Variants in HACE1 observed in about 807,000 individuals in gnomAD.
HACE1 encodes E3 ubiquitin-protein ligase HACE1.
In HACE1, 73 loss-of-function variants were observed where a neutral mutation model predicts 118.4. That is an observed-to-expected ratio of 0.62 (90% CI 0.51 to 0.75). HACE1 has a LOEUF of 0.75. Among genes scored for constraint, HACE1 ranks in the 30% least tolerant of loss-of-function variants. The probability of loss-of-function intolerance (pLI) is 0.00; values close to 1 mark genes in which losing one functional copy is unlikely to be tolerated. For synonymous variants in HACE1, 368 were observed against 374.8 expected, an observed-to-expected ratio of 0.98 and a Z score of 0.21; for missense variants, 749 against 1,102.2, an observed-to-expected ratio of 0.68 and a Z score of 4.54.
intron 7 of HACE1, among the ~76,000 whole-genome samples, chr6:104,800,350 G>T (rs1171646256): frequency 2.6e-5 from 4 of 152,190 alleles, no homozygotes; most frequent in Non-Finnish European, 5.9e-5. Flanking sequence ...TGACAGCTCA[G>T]AAGAGAGCAG....
Position 104,777,199 on chromosome 6 carries a change from A to C in HACE1, c.1678+7T>G, listed in dbSNP as rs748316084. 8 of 1,597,716 alleles carry C rather than the reference A, an allele frequency of 5.0e-6. No individual in the cohort carries two copies. The highest frequency in any genetic ancestry group is 6.9e-6 in the Non-Finnish European group (8 of 1,165,074). ...CACACATATATCAGTTTCTTTGTTA[A>C]GCATACCTCTGTGAACCAGCAGGAT... On this transcript the variant is annotated splice_region_variant and intron_variant, in intron 15 of 23. Coordinates refer to ENST00000262903, the MANE Select transcript of HACE1 (RefSeq NM_020771.4).
intron 20 of HACE1, among the ~76,000 whole-genome samples, chr6:104,745,506 G>C (rs1777323155): frequency 6.9e-6 from 1 of 144,940 alleles, no homozygotes; most frequent in African/African-American, 2.6e-5. Context: ...GAGTGCAGTG[G>C]CGCGGCTCAC....
In HACE1 at chr6:104,831,990, GGA is replaced by G. The variant is rs1562471444; in HGVS notation, c.534+1050_534+1051del. ...GAAGAGAAGAGAAGAGAGGAAGGAA[GGA>G]AGGAAGGAAGGAAGGAAGGAAGGAA... On this transcript the variant is annotated intron_variant, in intron 6 of 23. Coordinates refer to ENST00000262903, the MANE Select transcript of HACE1 (RefSeq NM_020771.4). Among the ~76,000 whole-genome samples the G allele has an allele frequency of 6.1e-3, 581 of 94,672 alleles. 1 individual carries two copies. Among genetic ancestry groups the G allele is most frequent in the African/African-American group, 7.2e-3 (181 of 25,306 alleles). 62.1% of individuals were successfully genotyped at this position (94,672 alleles called of 152,430 possible). A position where few individuals can be genotyped will look rare whatever the true frequency, so the allele number is the denominator to read the frequency against.
At chr6:104,816,543 C>T (rs1421684660) in intron 6 of HACE1, among the ~76,000 whole-genome samples, 3 of 152,232 alleles carry the variant, frequency 2.0e-5, no homozygotes, top group African/African-American at 7.2e-5. Flanking sequence ...GCCTAGATTT[C>T]AGAGAATGTA....
Position 104,744,202 on chromosome 6 carries a change from G to A in HACE1, c.2471C>T (p.Thr824Ile), listed in dbSNP as rs1232739185. 6.2e-7 allele frequency: 1 copy of A among 1,604,194 alleles called. No homozygotes were observed. The highest frequency in any genetic ancestry group is 1.7e-5 in the Admixed American group (1 of 59,880). The change falls in exon 22 of 24, where the codon ACT becomes ATT. Residue 824 changes from threonine to isoleucine, a missense_variant. Physicochemically the swap from Thr to Ile is moderately conservative, Grantham distance 89. This residue lies in a region of HACE1 where 165 missense variants were observed against 229.9 expected (regional missense o/e 0.72). Transcript: ENST00000262903. Reference protein sequence around the residue: ...QWFWEVVEDITQEERVLLLQF... With the variant: ...QWFWEVVEDIIQEERVLLLQF... ...TAAGAGAAGAACTCTCTCCTCTTGA[G>A]TAATGTCTTCTACAACTTCCCAGAA...
intron 10 of HACE1, among the ~76,000 whole-genome samples, chr6:104,791,859 T>C (rs1783063892): frequency 6.6e-6 from 1 of 152,196 alleles, no homozygotes; most frequent in African/African-American, 2.4e-5. Context: ...TTACTATTTC[T>C]TAAGCACCCA....
intron 22 of HACE1, among the ~76,000 whole-genome samples, chr6:104,742,623 C>T (rs1473024280): frequency 2.0e-5 from 3 of 151,034 alleles, no homozygotes; most frequent in South Asian, 2.1e-4. Flanking sequence ...TACCGTCTCA[C>T]ACCAGTTAGA....
intron 19 of HACE1, among the ~76,000 whole-genome samples, chr6:104,759,286 C>T (rs1779064481): frequency 6.6e-6 from 1 of 152,064 alleles, no homozygotes; most frequent in Admixed American, 6.6e-5. Flanking sequence ...TAAAACTGAC[C>T]ATATAATTGG....
chr6:104,825,584 G>C (rs1271700355), intron 6 of HACE1, among the ~76,000 whole-genome samples: 1 of 152,186 alleles, frequency 6.6e-6, no homozygotes, highest in Non-Finnish European at 1.5e-5. Context: ...CAACCAATCA[G>C]ATGTTTGCAT....
chr6:104,779,406 A>C (rs1161467499), intron 14 of HACE1, among the ~76,000 whole-genome samples: 1 of 152,226 alleles, frequency 6.6e-6, no homozygotes, highest in African/African-American at 2.4e-5. Flanking sequence ...ATGAGAGATG[A>C]ACTTCTGCCT....
chr6:104,847,481 C>A (rs1239706783), intron 4 of HACE1, among the ~76,000 whole-genome samples: 1 of 152,206 alleles, frequency 6.6e-6, no homozygotes, highest in Non-Finnish European at 1.5e-5. Flanking sequence ...CACATTGTTA[C>A]CTATGAGAAC....
chr6:104,794,028 C>G (rs1181833538), intron 10 of HACE1, among the ~76,000 whole-genome samples: 1 of 152,166 alleles, frequency 6.6e-6, no homozygotes, highest in East Asian at 1.9e-4. Flanking sequence ...CCAACCACCC[C>G]TGTCATTTTT....
At chr6:104,806,190 C>T (rs547709319) in intron 7 of HACE1, among the ~76,000 whole-genome samples, 31 of 152,252 alleles carry the variant, frequency 2.0e-4, no homozygotes, top group East Asian at 1.2e-3. Flanking sequence ...GGCCAGGTGT[C>T]GTGGCTCACA....
intron 8 of HACE1, 68 bp from the exon 9 acceptor site, chr6:104,796,824 A>C: frequency 8.9e-7 from 1 of 1,120,390 alleles, no homozygotes; most frequent in South Asian, 1.3e-5. Flanking sequence ...TTCTTCACAC[A>C]ATAAAAATCT....
At chr6:104,743,748 T>C (rs1777091990) in intron 22 of HACE1, among the ~76,000 whole-genome samples, 1 of 152,100 alleles carries the variant, frequency 6.6e-6, no homozygotes, top group Admixed American at 6.5e-5. Flanking sequence ...ACAGAAAAAC[T>C]GTTGTGTATG....
chr6:104,841,181 G>C (rs1314371786), intron 5 of HACE1, among the ~76,000 whole-genome samples: 1 of 151,990 alleles, frequency 6.6e-6, no homozygotes, highest in African/African-American at 2.4e-5. Flanking sequence ...GGAGGTTGGG[G>C]AGGAAGGCCA....
chr6:104,793,829 A>AT, intron 10 of HACE1, among the ~76,000 whole-genome samples: 1 of 152,330 alleles, frequency 6.6e-6, no homozygotes, highest in Non-Finnish European at 1.5e-5. Flanking sequence ...CTAATAACCA[A>AT]TACTCACTAC....
At chr6:104,818,155 TA>T (rs1232375104) in intron 6 of HACE1, among the ~76,000 whole-genome samples, 5 of 152,304 alleles carry the variant, frequency 3.3e-5, no homozygotes, top group African/African-American at 1.2e-4. Context: ...CACTGTTATA[TA>T]AAACTATATT....
chr6:104,750,544 CT>C, intron 19 of HACE1, 72 bp from the exon 20 acceptor site: 2 of 1,346,496 alleles, frequency 1.5e-6, no homozygotes, highest in Non-Finnish European at 2.1e-6. Context: ...ATAATTATTT[CT>C]TATTTAAGAG....
Sources: gnomAD v4.1 joint callset for allele counts (sites outside exome capture counted in the v4.1 genomes callset) on GRCh38, gnomAD v4.1.1 for gene constraint, gnomAD v4.1.1 regional missense constraint, MANE v1.5 for transcripts, NCBI Gene and HGNC (gene_info 2026-07-23, HGNC 2026-07-21) for gene names.